ANKRD33B: variants seen among roughly 807,000 people sequenced by gnomAD.
The protein encoded by ANKRD33B is ankyrin repeat domain 33B.
In ANKRD33B, 6 loss-of-function variants were observed where a neutral mutation model predicts 21.5. The observed-to-expected ratio is 0.28, with a 90% CI of 0.15 to 0.55. The LOEUF (loss-of-function observed/expected upper bound fraction) is 0.55. ANKRD33B is among the 20% of genes least tolerant of loss of function. The pLI, the probability that ANKRD33B is intolerant of heterozygous loss-of-function variation, is 0.94. For missense variants in ANKRD33B, 698 were observed against 747.2 expected (o/e 0.93, Z 0.77); for synonymous variants, 347 against 342.4 (o/e 1.01, Z -0.15).
intron 1 of ANKRD33B, among the ~76,000 whole-genome samples, chr5:10,614,423 C>T (rs1042250505): frequency 3.3e-5 from 5 of 152,192 alleles, no homozygotes; most frequent in African/African-American, 7.2e-5. Flanking sequence ...ATTCATCTTC[C>T]TTCTGTTCTT....
chr5:10,600,092 T>G (rs1440469094), intron 1 of ANKRD33B, among the ~76,000 whole-genome samples: 1 of 152,276 alleles, frequency 6.6e-6, no homozygotes, highest in Non-Finnish European at 1.5e-5. Flanking sequence ...TTCTCATGAC[T>G]CAGTGACTAA....
chr5:10,639,263 C>T (rs1424907916), intron 3 of ANKRD33B, among the ~76,000 whole-genome samples: 1 of 11,874 alleles, frequency 8.4e-5, no homozygotes, highest in Non-Finnish European at 1.7e-4. Context: ...TAGGCGGTGA[C>T]GTGGAGTTGC....
Position 10,652,083 on chromosome 5 carries a change from T to C in ANKRD33B, c.*1970T>C, listed in dbSNP as rs1288418961. ...AACTGACACTGGTTATCTTTGGGGT[T>C]GTCTTTCCTGAATCCTTTGGCATGT... On this transcript the variant is annotated 3_prime_UTR_variant, in exon 4 of 4. Coordinates refer to ENST00000296657, the MANE Select transcript of ANKRD33B (RefSeq NM_001164440.2). The surrounding 1 kb of genome is among the most constrained non-coding windows in gnomAD (Gnocchi z 4.1). 1 of 152,376 alleles carries C rather than the reference T, an allele frequency of 6.6e-6. No homozygotes were observed. The highest frequency in any genetic ancestry group is 1.5e-5 in the Non-Finnish European group (1 of 68,038). The allele number at this position is 152,376 out of a possible 1,614,324, so 9.4% of individuals were successfully genotyped here.
intron 1 of ANKRD33B, among the ~76,000 whole-genome samples, chr5:10,581,241 G>A (rs924624623): frequency 6.6e-6 from 1 of 152,204 alleles, no homozygotes; most frequent in Non-Finnish European, 1.5e-5. Flanking sequence ...AGTGTTTTGG[G>A]CACTATTGTC....
rs183104835 is a variant in ANKRD33B, at chr5:10,646,240, T to G, written c.638-3026T>G. 1.6e-3 allele frequency among the ~76,000 whole-genome samples: 249 copies of G among 152,228 alleles called. 1 individual carries two copies. The highest frequency in any genetic ancestry group is 3.4e-4 in the Non-Finnish European group (23 of 68,010). Reference sequence around the variant, plus strand: ...GAGCCCTGGGCAAAACAACACTGGGTGGGAGATGACGATGCTGGGGGGTCT... The same window carrying G: ...GAGCCCTGGGCAAAACAACACTGGGGGGGAGATGACGATGCTGGGGGGTCT... On this transcript the variant is annotated intron_variant, in intron 3 of 3. Coordinates refer to ENST00000296657, the MANE Select transcript of ANKRD33B (RefSeq NM_001164440.2).
chr5:10,587,621 G>A (rs1055928939), intron 1 of ANKRD33B, among the ~76,000 whole-genome samples: 1 of 150,144 alleles, frequency 6.7e-6, no homozygotes, highest in African/African-American at 2.5e-5. Context: ...CCAGTCACCT[G>A]TATTCCCAGT....
At chr5:10,607,576 T>G (rs1173742415) in intron 1 of ANKRD33B, among the ~76,000 whole-genome samples, 1 of 152,208 alleles carries the variant, frequency 6.6e-6, no homozygotes, top group Non-Finnish European at 1.5e-5. Context: ...CTGAATCCAG[T>G]GCAACTGAAT....
chr5:10,607,283 G>A (rs1045870507), intron 1 of ANKRD33B, among the ~76,000 whole-genome samples: 3 of 152,216 alleles, frequency 2.0e-5, no homozygotes, highest in Admixed American at 6.5e-5. Context: ...GCCGGCTAGA[G>A]GGGGCAGGGC....
chr5:10,603,549 C>T (rs1735977117), intron 1 of ANKRD33B, among the ~76,000 whole-genome samples: 1 of 152,172 alleles, frequency 6.6e-6, no homozygotes, highest in Non-Finnish European at 1.5e-5. Context: ...AGGGGTGAGC[C>T]ACTGTGCCCA....
Position 10,593,076 on chromosome 5 carries a change from GC to G in ANKRD33B, c.367-25256del, listed in dbSNP as rs1183063028. On this transcript the variant is annotated intron_variant, in intron 1 of 3. Transcript: ENST00000296657. ...TCCACCCCTCATATTGTCTTCGCTA[GC>G]TTTCCACTTACGAGACTAGTAACAT... 2.2e-4 allele frequency among the ~76,000 whole-genome samples: 34 copies of G among 152,194 alleles called. 1 individual carries two copies. The South Asian group carries it at 3.7e-3, about 17-fold the overall frequency.
chr5:10,586,550 CTT>C (rs1735567046), intron 1 of ANKRD33B, among the ~76,000 whole-genome samples: 1 of 148,920 alleles, frequency 6.7e-6, no homozygotes. Flanking sequence ...GCTTTCTTCT[CTT>C]TATTTTCCAT....
At chr5:10,634,407 G>A in intron 2 of ANKRD33B, among the ~76,000 whole-genome samples, 1 of 151,902 alleles carries the variant, frequency 6.6e-6, no homozygotes, top group East Asian at 1.9e-4. Flanking sequence ...GAGGATTTCA[G>A]GAACCAAGTC....
In ANKRD33B at chr5:10,649,634, G is replaced by A. The variant is rs1365710850; in HGVS notation, c.1006G>A (p.Gly336Arg). The A allele has an allele frequency of 6.5e-7, 1 of 1,531,214 alleles. No homozygotes were observed. The highest frequency in any genetic ancestry group is 8.7e-7 in the Non-Finnish European group (1 of 1,144,916). The allele number at this position is 1,531,214 out of a possible 1,614,324, so 94.9% of individuals were successfully genotyped here. The change falls in exon 4 of 4, where the codon GGG (glycine) becomes AGG (arginine). Residue 336 changes from glycine to arginine, a missense_variant. By Grantham distance (125) the Gly-to-Arg change is moderately radical. Coordinates refer to ENST00000296657, the MANE Select transcript of ANKRD33B (RefSeq NM_001164440.2). ...GTGCCCTGAGAGCCCTCCGAGCGTG[G>A]GGAAGAGGCGGCTGGCGGTGCAGGA... ...TVCPESPPSV[G>R]KRRLAVQEIL...
chr5:10,627,374 C>T (rs1198209348), intron 2 of ANKRD33B: 2 of 152,210 alleles, frequency 1.3e-5, no homozygotes, highest in African/African-American at 4.8e-5. Context: ...GGATACAGCA[C>T]GTGAAGCTTG....
chr5:10,645,234 C>T (rs539332762), intron 3 of ANKRD33B, among the ~76,000 whole-genome samples: 1 of 152,202 alleles, frequency 6.6e-6, no homozygotes. Flanking sequence ...GGCTGGTCCA[C>T]AGTGGTCTCC....
chr5:10,607,495 G>T (rs886888996), intron 1 of ANKRD33B, among the ~76,000 whole-genome samples: 1 of 152,194 alleles, frequency 6.6e-6, no homozygotes, highest in African/African-American at 2.4e-5. Flanking sequence ...ACTCAGAAAG[G>T]GTGGGGAAAT....
rs1309834354 is a variant in ANKRD33B, at chr5:10,619,027, T to C, written c.496+565T>C. Among the ~76,000 whole-genome samples the C allele has an allele frequency of 6.6e-6, 1 of 152,194 alleles. No homozygotes were observed. Among genetic ancestry groups the C allele is most frequent in the Non-Finnish European group, 1.5e-5 (1 of 68,040 alleles). On this transcript the variant is annotated intron_variant, in intron 2 of 3. Transcript: ENST00000296657. This position sits in a 1 kb window ranked among gnomAD's most constrained non-coding sequence, Gnocchi z 4.5. ...CCATCAGTCATCAAGAAGACAGTGC[T>C]TATGTCAATATTGCCAAGTGCATTG...
intron 1 of ANKRD33B, among the ~76,000 whole-genome samples, chr5:10,603,308 G>A (rs1735972073): frequency 6.6e-6 from 1 of 151,986 alleles, no homozygotes; most frequent in South Asian, 2.1e-4. Flanking sequence ...CCTCGCCCAG[G>A]CTGGAGTGCA....
intron 2 of ANKRD33B, among the ~76,000 whole-genome samples, chr5:10,634,992 G>T (rs1426304880): frequency 6.6e-6 from 1 of 151,718 alleles, no homozygotes; most frequent in Admixed American, 6.6e-5. Context: ...CCCGTGGGAA[G>T]CAGGGCGTGA....
Sources: allele counts gnomAD v4.1 joint callset (sites outside exome capture counted in the v4.1 genomes callset), GRCh38; gene constraint gnomAD v4.1.1; non-coding constraint Gnocchi (gnomAD v3.1); transcripts MANE v1.5; gene names NCBI Gene and HGNC (gene_info 2026-07-23, HGNC 2026-07-21).